Variants in ARL13B observed in about 807,000 individuals in gnomAD.
ARL13B encodes the protein ADP-ribosylation factor-like protein 13B.
In ARL13B, 36 loss-of-function variants were observed where a neutral mutation model predicts 56.1. That is an observed-to-expected ratio of 0.64 (90% confidence interval 0.49 to 0.85). The LOEUF is 0.85. ARL13B is among the 40% of genes least tolerant of loss of function. The pLI is 0.00. For missense variants in ARL13B, 519 were observed against 507.1 expected, an observed-to-expected ratio of 1.02 and a Z score of -0.23; for synonymous variants, 178 against 171.1, an observed-to-expected ratio of 1.04 and a Z score of -0.32.
intron 5 of ARL13B, among the ~76,000 whole-genome samples, chr3:94,037,322 C>T (rs1439175764): frequency 1.3e-5 from 2 of 152,204 alleles, no homozygotes; most frequent in Non-Finnish European, 2.9e-5. Flanking sequence ...CCATAGTTGC[C>T]TTCCATCTGG....
At chr3:94,028,098 G>A (rs2076595365) in intron 3 of ARL13B, among the ~76,000 whole-genome samples, 1 of 152,066 alleles carries the variant, frequency 6.6e-6, no homozygotes, top group Non-Finnish European at 1.5e-5. Context: ...TTAAATGAGA[G>A]CTTACTTTTT....
intron 1 of ARL13B, among the ~76,000 whole-genome samples, chr3:93,980,753 G>T (rs2107301841): frequency 6.6e-6 from 1 of 152,114 alleles, no homozygotes; most frequent in East Asian, 1.9e-4. Context: ...GTGTGTGTGT[G>T]TGTGTGTGGA....
chr3:94,046,975 T>C (rs978483645), intron 7 of ARL13B, among the ~76,000 whole-genome samples: 10 of 152,158 alleles, frequency 6.6e-5, no homozygotes, highest in Non-Finnish European at 1.2e-4. Context: ...CTTGACTCTC[T>C]TATCTACTAG....
chr3:94,008,088 T>C (rs1212252880), intron 3 of ARL13B, among the ~76,000 whole-genome samples: 1 of 152,176 alleles, frequency 6.6e-6, no homozygotes, highest in East Asian at 1.9e-4. Flanking sequence ...TTCAGCTATG[T>C]AGAGTGGCAT....
chr3:93,981,806 G>A (rs1386919619), intron 1 of ARL13B, among the ~76,000 whole-genome samples: 1 of 149,432 alleles, frequency 6.7e-6, no homozygotes, highest in Non-Finnish European at 1.5e-5. Flanking sequence ...CCTGGGAGGC[G>A]GAGGTTGCAG....
intron 1 of ARL13B, among the ~76,000 whole-genome samples, chr3:93,992,280 C>T (rs2075890150): frequency 6.6e-6 from 1 of 152,026 alleles, no homozygotes; most frequent in Admixed American, 6.5e-5. Context: ...AAAGGTGGAT[C>T]AGGGAATTTT....
intron 2 of ARL13B, chr3:93,996,433 C>T (rs189636908): frequency 1.1e-5 from 2 of 180,516 alleles, no homozygotes; most frequent in Admixed American, 5.4e-5. Flanking sequence ...TTATATCATA[C>T]GTACTGCATC....
chr3:93,984,406 G>A (rs1284548842), intron 1 of ARL13B, among the ~76,000 whole-genome samples: 2 of 151,946 alleles, frequency 1.3e-5, no homozygotes, highest in African/African-American at 4.8e-5. Context: ...TATTTATTAA[G>A]TGGAAGTGGA....
intron 5 of ARL13B, among the ~76,000 whole-genome samples, chr3:94,038,129 A>T (rs2076801505): frequency 6.6e-6 from 1 of 152,242 alleles, no homozygotes; most frequent in African/African-American, 2.4e-5. Context: ...ATAATATATT[A>T]ATACTGTATT....
At chr3:94,040,015 T>G in intron 6 of ARL13B, 27 bp downstream of exon 6, 3 of 1,598,384 alleles carry the variant, frequency 1.9e-6, no homozygotes, top group Non-Finnish European at 1.7e-6. Flanking sequence ...ATGTAATTTT[T>G]GTATCTTAAG....
intron 1 of ARL13B, among the ~76,000 whole-genome samples, chr3:93,990,003 T>TTTGTTTTGTTTTGTTTC (rs2075840957): frequency 6.7e-6 from 1 of 149,406 alleles, no homozygotes; most frequent in African/African-American, 2.4e-5. Flanking sequence ...TTTTTTGTTT[T>TTTGTTTTGTTTTGTTTC]GTTTTGTTTT....
chr3:94,033,493 G>T (rs934950042), intron 3 of ARL13B, among the ~76,000 whole-genome samples: 2 of 151,972 alleles, frequency 1.3e-5, no homozygotes, highest in Middle Eastern at 3.2e-3. Context: ...TCTTGACTTT[G>T]TGAATTTTAA....
chr3:93,996,465 TCATA>T (rs2075966863), intron 2 of ARL13B: 1 of 211,192 alleles, frequency 4.7e-6, no homozygotes, highest in African/African-American at 2.3e-5. Flanking sequence ...TGAATATATA[TCATA>T]CATATTACAT....
chr3:94,003,602 T>A lies in ARL13B; in HGVS notation c.131-57T>A, dbSNP rs868519472. The A allele has an allele frequency of 4.7e-5, 74 of 1,584,036 alleles. No individual in the cohort carries two copies. In the Middle Eastern group the frequency reaches 5.6e-4, roughly 12 times the overall value. On this transcript the variant is annotated intron_variant, in intron 2 of 9. Coordinates refer to ENST00000394222, the MANE Select transcript of ARL13B (RefSeq NM_001174150.2). ...GGGTGCTAAAATTTTAGTTGAAAAATTAACGTTGTCAATTAAAGTCTAAAG... is the reference window on the plus strand; with the variant it reads ...GGGTGCTAAAATTTTAGTTGAAAAAATAACGTTGTCAATTAAAGTCTAAAG...
rs201046342 is a variant in ARL13B, at chr3:94,050,906, A to G, written c.1210+14A>G. 50 of 1,611,004 alleles carry G rather than the reference A, an allele frequency of 3.1e-5. No homozygotes were observed. In the South Asian group the frequency reaches 4.8e-4, roughly 16 times the overall value. Reference sequence around the variant, plus strand: ...CACATCATAATGGTAATGCAAAAGGATTGGTTTTCAGATATCATCTGTACA... The same window carrying G: ...CACATCATAATGGTAATGCAAAAGGGTTGGTTTTCAGATATCATCTGTACA... On this transcript the variant is annotated intron_variant, in intron 9 of 9. Transcript: ENST00000394222.
chr3:94,021,063 C>T (rs1188124356), intron 3 of ARL13B, among the ~76,000 whole-genome samples: 1 of 151,790 alleles, frequency 6.6e-6, no homozygotes, highest in Non-Finnish European at 1.5e-5. Context: ...ATGAATGATA[C>T]TAAACCTGGA....
chr3:94,019,067 G>A (rs1320224458), intron 3 of ARL13B, among the ~76,000 whole-genome samples: 1 of 151,328 alleles, frequency 6.6e-6, no homozygotes, highest in African/African-American at 2.4e-5. Flanking sequence ...CGCCTGGCTG[G>A]AAGTCATTCT....
rs1001926793 is a variant in ARL13B at position 94,034,332 on chromosome 3, AT to A, written c.381-989del. On this transcript the variant is annotated intron_variant, in intron 3 of 9. Transcript: ENST00000394222. ...TTAGATTTCTTAGTCTATGTACTTA[AT>A]TTTTTTTTTAACCTAAAGAGTCTGT... is the stretch of plus-strand genomic sequence containing the variant. 7.3e-5 allele frequency among the ~76,000 whole-genome samples: 11 copies of A among 149,978 alleles called. No homozygotes were observed. In the East Asian group the frequency reaches 7.8e-4, roughly 11 times the overall value.
chr3:93,988,769 T>G, intron 1 of ARL13B: 1 of 426,616 alleles, frequency 2.3e-6, no homozygotes, highest in Non-Finnish European at 4.6e-6. Flanking sequence ...TATGCTCCCC[T>G]TTTCCCATTT....
Sources: allele counts gnomAD v4.1 joint callset (sites outside exome capture counted in the v4.1 genomes callset), GRCh38; gene constraint gnomAD v4.1.1; transcripts MANE v1.5; gene names NCBI Gene and HGNC (gene_info 2026-07-23, HGNC 2026-07-21).